Variants in CELF2 observed in about 807,000 individuals in gnomAD.
CELF2 encodes CUG triplet repeat RNA-binding protein 2.
Under a neutral mutation model 62.6 loss-of-function variants are expected in CELF2, and 8 were observed. The observed-to-expected ratio is 0.13, with a 90% CI of 0.07 to 0.23. The LOEUF (loss-of-function observed/expected upper bound fraction) is 0.23, where lower values mean the gene tolerates loss of function less well. CELF2 is among the 10% of genes least tolerant of loss of function. The pLI, the probability that CELF2 is intolerant of heterozygous loss-of-function variation, is 1.00. For missense variants in CELF2, 333 were observed against 671.0 expected, an observed-to-expected ratio of 0.50 and a Z score of 5.56; for synonymous variants, 258 against 250.0, an observed-to-expected ratio of 1.03 and a Z score of -0.30.
In CELF2 at chr10:10,925,796, A is replaced by G. The variant is rs568902832; in HGVS notation, c.89+5797A>G. Among the ~76,000 whole-genome samples, 4 of 152,112 alleles carry G rather than the reference A, an allele frequency of 2.6e-5. No individual in the cohort carries two copies. In the South Asian group the frequency reaches 8.3e-4, roughly 32 times the overall value. On this transcript the variant is annotated intron_variant, in intron 2 of 13. Coordinates refer to the CELF2 transcript ENST00000636488. ...ATTCACTGCTTGACTCAAAATATGA[A>G]ACAAACCCTCTGGCCTAAGTGACTG...
chr10:10,943,354 G>T (rs187860293), intron 2 of CELF2, among the ~76,000 whole-genome samples: 15 of 152,322 alleles, frequency 9.8e-5, no homozygotes, highest in African/African-American at 3.4e-4. Flanking sequence ...CAAAGGAAGA[G>T]TATTAGTTGA....
rs909109630 is a variant in CELF2 at position 10,972,955 on chromosome 10, T to G, written c.89+52956T>G. 3.9e-5 allele frequency among the ~76,000 whole-genome samples: 6 copies of G among 152,028 alleles called. No homozygotes were observed. The highest frequency in any genetic ancestry group is 8.8e-5 in the Non-Finnish European group (6 of 68,008). On this transcript the variant is annotated intron_variant, in intron 2 of 13. Transcript: ENST00000636488. The surrounding 1 kb of genome is among the most constrained non-coding windows in gnomAD (Gnocchi z 4.4). ...AAGATGTGAAGGGAGGGTCGAGATG[T>G]TTTTAATGGCAAAGAATGTGAAACC...
At chr10:10,659,640 T>G in the CELF2 span, among the ~76,000 whole-genome samples, 2 of 152,238 alleles carry the variant, frequency 1.3e-5, no homozygotes, top group African/African-American at 4.8e-5. Flanking sequence ...CCCAGACCCT[T>G]CAAACCACCC....
At chr10:10,706,378 G>C in the CELF2 span, among the ~76,000 whole-genome samples, 1 of 152,154 alleles carries the variant, frequency 6.6e-6, no homozygotes, top group Non-Finnish European at 1.5e-5. Flanking sequence ...TGGTGCAGGG[G>C]AAGTTTGCAT....
At chr10:10,564,388 A>AT in the CELF2 span, among the ~76,000 whole-genome samples, 1 of 152,076 alleles carries the variant, frequency 6.6e-6, no homozygotes, top group African/African-American at 2.4e-5. Flanking sequence ...ATTAATTAAG[A>AT]TTTTTTAAAA....
chr10:11,324,389 G>A lies in CELF2; in HGVS notation c.1295-1447G>A, dbSNP rs1488212035. 6.6e-6 allele frequency among the ~76,000 whole-genome samples: 1 copy of A among 152,186 alleles called. No homozygotes were observed. The highest frequency in any genetic ancestry group is 1.5e-5 in the Non-Finnish European group (1 of 68,018). Reference sequence around the variant, plus strand: ...AGTGCTCAGAACATCCCTTTCCAGTGTTTCAGGTTTTGCATCTTTTCATGT... The same window carrying A: ...AGTGCTCAGAACATCCCTTTCCAGTATTTCAGGTTTTGCATCTTTTCATGT... On this transcript the variant is annotated intron_variant, in intron 11 of 12. Coordinates refer to ENST00000633077, the MANE Select transcript of CELF2 (RefSeq NM_001326342.2). The surrounding 1 kb of genome is among the most constrained non-coding windows in gnomAD (Gnocchi z 4.7).
chr10:11,076,962 A>G lies in CELF2; in HGVS notation c.74+58799A>G, dbSNP rs527998415. 7.1e-4 allele frequency among the ~76,000 whole-genome samples: 108 copies of G among 152,318 alleles called. No homozygotes were observed. The South Asian group carries it at 0.022, about 31-fold the overall frequency. ...AAACTAGAGAGGTTATGAAAGAAGT[A>G]TTGGACTTGTAGATAATACCTGGCT... On this transcript the variant is annotated intron_variant, in intron 1 of 12. Coordinates refer to ENST00000633077, the MANE Select transcript of CELF2 (RefSeq NM_001326342.2).
chr10:10,943,945 G>A (rs1232462094), intron 2 of CELF2, among the ~76,000 whole-genome samples: 1 of 152,106 alleles, frequency 6.6e-6, no homozygotes, highest in East Asian at 1.9e-4. Flanking sequence ...GACCATGTGA[G>A]GGTGGACCAG....
intron 1 of CELF2, among the ~76,000 whole-genome samples, chr10:10,808,103 T>TA (rs2055427159): frequency 6.6e-6 from 1 of 152,174 alleles, no homozygotes; most frequent in South Asian, 2.1e-4. Flanking sequence ...GCATTCATTA[T>TA]AAAAATAACA....
chr10:11,088,325 C>G (rs1156860194), intron 1 of CELF2, among the ~76,000 whole-genome samples: 1 of 152,194 alleles, frequency 6.6e-6, no homozygotes, highest in African/African-American at 2.4e-5. Context: ...AGGGCAGTGA[C>G]CAATCCAACC....
intron 1 of CELF2, among the ~76,000 whole-genome samples, chr10:10,835,155 G>A (rs564107303): frequency 1.3e-5 from 2 of 152,168 alleles, no homozygotes; most frequent in Admixed American, 6.5e-5. Flanking sequence ...TTTTTTTAAT[G>A]TATTACTATT....
chr10:10,911,304 G>A (rs991848192), intron 1 of CELF2, among the ~76,000 whole-genome samples: 2 of 152,166 alleles, frequency 1.3e-5, no homozygotes, highest in African/African-American at 4.8e-5. Flanking sequence ...TGAGCACAAG[G>A]GCAGGGACAA....
At chr10:10,679,216 C>T in the CELF2 span, among the ~76,000 whole-genome samples, 1 of 152,182 alleles carries the variant, frequency 6.6e-6, no homozygotes, top group African/African-American at 2.4e-5. Flanking sequence ...ATTTTAGTGA[C>T]TGCTCTCTTC....
At chr10:10,888,514 C>T (rs1444279802) in intron 1 of CELF2, among the ~76,000 whole-genome samples, 1 of 152,150 alleles carries the variant, frequency 6.6e-6, no homozygotes, top group African/African-American at 2.4e-5. Context: ...AAATGGAAAA[C>T]AGAGACTTCG....
the CELF2 span, among the ~76,000 whole-genome samples, chr10:10,767,684 G>A: frequency 2.5e-3 from 385 of 152,194 alleles, 2 homozygotes; most frequent in African/African-American, 8.7e-3. Flanking sequence ...CAACCCAACC[G>A]TGGGAAGTAA....
intron 1 of CELF2, among the ~76,000 whole-genome samples, chr10:10,804,537 A>G (rs1354187718): frequency 6.6e-6 from 1 of 152,256 alleles, no homozygotes; most frequent in Non-Finnish European, 1.5e-5. Context: ...TGATATTTCA[A>G]AGGTCAGAGA....
At position 11,011,236 on chromosome 10, in the gene CELF2, C is replaced by A. The variant is rs995395201; in HGVS notation, c.53+5796C>A. The stretch of plus-strand genomic sequence containing the variant: ...AAAATAGGTCATACGGCAATGAAAA[C>A]CAAGCAAGTAACAAACATACATGCA... On this transcript the variant is annotated intron_variant, in intron 1 of 12. Transcript: ENST00000416382. This position sits in a 1 kb window ranked among gnomAD's most constrained non-coding sequence, Gnocchi z 4.6. The A allele has an allele frequency of 1.3e-5, 2 of 151,786 alleles. No individual in the cohort carries two copies. Among genetic ancestry groups the A allele is most frequent in the Admixed American group, 1.3e-4 (2 of 15,236 alleles). 9.4% of individuals were successfully genotyped at this position (151,786 alleles called of 1,614,324 possible).
In CELF2 at chr10:11,311,959, T is replaced by C. The variant is rs1484372683; in HGVS notation, c.977-2180T>C. 6.6e-6 allele frequency among the ~76,000 whole-genome samples: 1 copy of C among 152,168 alleles called. No homozygotes were observed. The highest frequency in any genetic ancestry group is 1.9e-4 in the East Asian group (1 of 5,192). On this transcript the variant is annotated intron_variant, in intron 9 of 12. Coordinates refer to ENST00000633077, the MANE Select transcript of CELF2 (RefSeq NM_001326342.2). The surrounding 1 kb of genome is among the most constrained non-coding windows in gnomAD (Gnocchi z 4.7). ...CCACATATTCAGGGATCCAGATGAA[T>C]TCCAAGCAGTGAAAATAAAAATCAA...
At chr10:11,050,785 C>G (rs138710463) in intron 1 of CELF2, among the ~76,000 whole-genome samples, 2 of 152,300 alleles carry the variant, frequency 1.3e-5, no homozygotes, top group African/African-American at 4.8e-5. Flanking sequence ...GGTTGTGCCT[C>G]TTCTCACAAT....
Sources: gnomAD v4.1 joint callset for allele counts (sites outside exome capture counted in the v4.1 genomes callset) on GRCh38, gnomAD v4.1.1 for gene constraint, Gnocchi (gnomAD v3.1) non-coding constraint, MANE v1.5 for transcripts, NCBI Gene and HGNC (gene_info 2026-07-23, HGNC 2026-07-21) for gene names.